The following DSE variants were observed in gnomAD, a reference collection of about 807,000 sequenced individuals.
DSE encodes the protein dermatan-sulfate epimerase.
A neutral mutation model predicts 84.4 loss-of-function variants in DSE; 36 were observed. The observed-to-expected ratio is 0.43, with a 90% CI of 0.33 to 0.56. The LOEUF (loss-of-function observed/expected upper bound fraction) is 0.56, where lower values mean the gene tolerates loss of function less well. Among genes scored for constraint, DSE ranks in the 20% least tolerant of loss-of-function variants. DSE has a pLI of 0.06. For synonymous variants in DSE, 410 were observed against 430.1 expected (o/e 0.95, Z 0.58); for missense variants, 862 against 1,169.6 (o/e 0.74, Z 3.84).
At chr6:116,434,162 A>T (rs569407008) in intron 5 of DSE, among the ~76,000 whole-genome samples, 8,478 of 152,252 alleles carry the variant, frequency 0.056, 329 homozygotes, top group Non-Finnish European at 0.087. Context: ...TTTTGCCTTA[A>T]TCTTTTAAGC....
At chr6:116,420,741 T>A (rs946684588) in intron 2 of DSE, among the ~76,000 whole-genome samples, 6 of 152,266 alleles carry the variant, frequency 3.9e-5, no homozygotes, top group South Asian at 2.1e-4. Context: ...AGTTATTTTC[T>A]ATAGACTGTC....
intron 2 of DSE, among the ~76,000 whole-genome samples, chr6:116,417,812 A>G (rs1782812279): frequency 6.6e-6 from 1 of 152,214 alleles, no homozygotes; most frequent in African/African-American, 2.4e-5. Flanking sequence ...AGATATTGAA[A>G]AAGGAAAGCT....
Position 116,436,598 on chromosome 6 carries a change from A to G in DSE, c.2130A>G (p.Ala710=), listed in dbSNP as rs768886291. The G allele has an allele frequency of 1.9e-6, 3 of 1,614,198 alleles. No homozygotes were observed. The South Asian group carries it at 3.3e-5, about 18-fold the overall frequency. The change falls in exon 6 of 6, where the codon GCA becomes GCG. Residue 710 remains alanine (A), a synonymous_variant. Transcript: ENST00000644252. ...TGEATGQSAF[A]QVIADRHKIL... Reference sequence around the variant, plus strand: ...AGGCCACAGGACAGTCTGCCTTTGCACAGGTCATTGCTGATCGTCACAAAA... The same window carrying G: ...AGGCCACAGGACAGTCTGCCTTTGCGCAGGTCATTGCTGATCGTCACAAAA...
At chr6:116,325,238 T>A (rs537812467) in intron 2 of DSE, among the ~76,000 whole-genome samples, 55 of 152,354 alleles carry the variant, frequency 3.6e-4, no homozygotes, top group Middle Eastern at 3.4e-3. Context: ...GTTGCCTAAA[T>A]TTTCTAAGTC....
intron 1 of DSE, among the ~76,000 whole-genome samples, chr6:116,387,116 C>T (rs1468419734): frequency 1.3e-5 from 2 of 152,108 alleles, no homozygotes; most frequent in Non-Finnish European, 2.9e-5. Context: ...TCATGACTCA[C>T]CCATAGGAGT....
At chr6:116,314,059 CT>C (rs1334559664) in intron 2 of DSE, among the ~76,000 whole-genome samples, 1 of 152,218 alleles carries the variant, frequency 6.6e-6, no homozygotes, top group Non-Finnish European at 1.5e-5. Context: ...CTCTCAGCCA[CT>C]GCCTTGATGG....
At chr6:116,343,318 T>A (rs1323406488) in intron 2 of DSE, among the ~76,000 whole-genome samples, 2 of 152,222 alleles carry the variant, frequency 1.3e-5, no homozygotes, top group Non-Finnish European at 2.9e-5. Flanking sequence ...GCATGGAGTT[T>A]GTGATCTGAG....
At chr6:116,357,069 T>C (rs574936343) in intron 2 of DSE, among the ~76,000 whole-genome samples, 1 of 152,238 alleles carries the variant, frequency 6.6e-6, no homozygotes, top group African/African-American at 2.4e-5. Flanking sequence ...TTCTACTTAT[T>C]TGAGTAGTGT....
chr6:116,346,455 C>G (rs538665649), intron 2 of DSE, among the ~76,000 whole-genome samples: 127 of 152,322 alleles, frequency 8.3e-4, no homozygotes, highest in African/African-American at 2.8e-3. Flanking sequence ...GGATACAAGG[C>G]TGGTTCAACA....
At position 116,437,488 on chromosome 6, in the gene DSE, C is replaced by G; in HGVS notation, c.*143C>G. The G allele has an allele frequency of 1.3e-6, 1 of 759,330 alleles. No individual in the cohort carries two copies. The highest frequency in any genetic ancestry group is 3.4e-5 in the Admixed American group (1 of 29,754). The allele number at this position is 759,330 out of a possible 1,614,324, so 47.0% of individuals were successfully genotyped here. A position where few individuals can be genotyped will look rare whatever the true frequency, so the allele number is the denominator to read the frequency against. ...GGGAAGATATTTTGACACAAGAAAG[C>G]AGGAACGTGGAGAAATTGGAGCAGG... On this transcript the variant is annotated 3_prime_UTR_variant, in exon 6 of 6. Transcript: ENST00000644252.
intron 2 of DSE, among the ~76,000 whole-genome samples, chr6:116,323,053 T>G (rs1046763814): frequency 2.6e-5 from 4 of 152,172 alleles, no homozygotes; most frequent in Non-Finnish European, 4.4e-5. Flanking sequence ...TCACAGTATT[T>G]TGCGCTTTAC....
intron 1 of DSE, chr6:116,255,481 T>C (rs1173935259): frequency 6.6e-6 from 1 of 152,252 alleles, no homozygotes; most frequent in East Asian, 1.9e-4. Flanking sequence ...GAATGACCTC[T>C]TTACTGCCTG....
intron 1 of DSE, among the ~76,000 whole-genome samples, chr6:116,374,578 G>C (rs963723655): frequency 6.6e-6 from 1 of 152,098 alleles, no homozygotes; most frequent in African/African-American, 2.4e-5. Flanking sequence ...CTTGAATCTG[G>C]GTAGCTTAAG....
At chr6:116,365,182 CA>C (rs931091035) in intron 2 of DSE, among the ~76,000 whole-genome samples, 2 of 151,828 alleles carry the variant, frequency 1.3e-5, no homozygotes, top group Non-Finnish European at 2.9e-5. Flanking sequence ...ACTTTTGGTA[CA>C]TTGGAATCAC....
intron 2 of DSE, chr6:116,259,048 C>T (rs1772287378): frequency 1.3e-6 from 2 of 1,550,370 alleles, no homozygotes; most frequent in East Asian, 4.5e-5. Flanking sequence ...ATCAGTGCTC[C>T]ACTTCCCAAA....
At chr6:116,292,791 G>A (rs1204236921) in intron 2 of DSE, among the ~76,000 whole-genome samples, 1 of 152,196 alleles carries the variant, frequency 6.6e-6, no homozygotes, top group African/African-American at 2.4e-5. Context: ...ATCCAAAGTA[G>A]TGACCTGGAA....
intron 2 of DSE, chr6:116,279,307 A>ACCG (rs1554206197): frequency 5.0e-6 from 8 of 1,604,704 alleles, no homozygotes; most frequent in Non-Finnish European, 5.1e-6. Flanking sequence ...TTCCTTCACC[A>ACCG]CCTCAGCGCT....
At chr6:116,258,361 T>C (rs1406310185) in intron 1 of DSE, 1 of 606,308 alleles carries the variant, frequency 1.6e-6, no homozygotes, top group Non-Finnish European at 3.0e-6. Flanking sequence ...TTTTCCTTTC[T>C]TGAAATTCAT....
At chr6:116,303,122 G>A (rs1048788714) in intron 2 of DSE, among the ~76,000 whole-genome samples, 2 of 151,966 alleles carry the variant, frequency 1.3e-5, no homozygotes, top group African/African-American at 4.8e-5. Flanking sequence ...TCTGCCTTTA[G>A]TACAAGTTCC....
Sources: gnomAD v4.1 joint callset for allele counts (sites outside exome capture counted in the v4.1 genomes callset) on GRCh38, gnomAD v4.1.1 for gene constraint, MANE v1.5 for transcripts, NCBI Gene and HGNC (gene_info 2026-07-23, HGNC 2026-07-21) for gene names.